RBFOX1: variants seen among roughly 807,000 people sequenced by gnomAD.
RBFOX1 encodes the protein RNA binding fox-1 homolog 1, also known as RNA binding protein fox-1 homolog 1.
Under a neutral mutation model 57.7 loss-of-function variants are expected in RBFOX1, and 8 were observed. The ratio of observed to expected loss-of-function variants is 0.14; its 90% CI spans 0.08 to 0.25. The LOEUF is 0.25. Ranked by LOEUF, RBFOX1 falls within the 10% of genes least tolerant of loss-of-function variation. The pLI, the probability that RBFOX1 is intolerant of heterozygous loss-of-function variation, is 1.00. For synonymous variants in RBFOX1, 326 were observed against 222.4 expected, an observed-to-expected ratio of 1.47 and a Z score of -4.15; for missense variants, 611 against 548.5, an observed-to-expected ratio of 1.11 and a Z score of -1.14.
At chr16:5,783,699 T>C (rs2054400788) in intron 3 of RBFOX1, among the ~76,000 whole-genome samples, 1 of 152,236 alleles carries the variant, frequency 6.6e-6, no homozygotes, top group African/African-American at 2.4e-5. Flanking sequence ...CTTTAATGAT[T>C]GTTTAATGGT....
intron 4 of RBFOX1, among the ~76,000 whole-genome samples, chr16:7,447,238 C>T (rs1393996405): frequency 4.0e-5 from 6 of 151,708 alleles, no homozygotes; most frequent in African/African-American, 1.2e-4. Flanking sequence ...TCGAGACCAG[C>T]CTGGCCAACA....
intron 3 of RBFOX1, among the ~76,000 whole-genome samples, chr16:5,825,642 G>A (rs963368419): frequency 1.3e-5 from 2 of 152,140 alleles, no homozygotes; most frequent in East Asian, 1.9e-4. Context: ...TGACAGCGTT[G>A]TACAGCCATC....
chr16:5,936,410 C>T (rs531212586), intron 4 of RBFOX1, among the ~76,000 whole-genome samples: 2 of 152,262 alleles, frequency 1.3e-5, no homozygotes, highest in South Asian at 2.1e-4. Flanking sequence ...AAGTATGAGC[C>T]ACTGCACCTG....
At chr16:7,532,829 G>C (rs1348440123) in intron 5 of RBFOX1, among the ~76,000 whole-genome samples, 1 of 152,198 alleles carries the variant, frequency 6.6e-6, no homozygotes, top group Non-Finnish European at 1.5e-5. Context: ...GGCCCACAGA[G>C]CCAAAATTAT....
intron 4 of RBFOX1, among the ~76,000 whole-genome samples, chr16:7,170,405 G>A (rs530746195): frequency 6.6e-6 from 1 of 152,206 alleles, no homozygotes; most frequent in Admixed American, 6.5e-5. Context: ...CTGAGTAGCT[G>A]AGACTACAGG....
chr16:6,714,134 C>G (rs1269888036), intron 3 of RBFOX1, among the ~76,000 whole-genome samples: 1 of 152,108 alleles, frequency 6.6e-6, no homozygotes, highest in African/African-American at 2.4e-5. Flanking sequence ...GGTAGTTTTT[C>G]CTGCACTCTC....
intron 4 of RBFOX1, among the ~76,000 whole-genome samples, chr16:7,201,518 A>G (rs530061554): frequency 6.6e-5 from 10 of 151,332 alleles, no homozygotes; most frequent in South Asian, 2.1e-4. Context: ...CTGGAGTGCA[A>G]TGGCACAATC....
intron 1 of RBFOX1, among the ~76,000 whole-genome samples, chr16:5,382,327 T>C (rs1051641926): frequency 1.3e-5 from 2 of 152,220 alleles, no homozygotes; most frequent in Non-Finnish European, 2.9e-5. Context: ...TTGAAAACTA[T>C]TCGGGCTGAT....
intron 3 of RBFOX1, among the ~76,000 whole-genome samples, chr16:5,830,137 C>T (rs2056213009): frequency 1.3e-5 from 2 of 152,180 alleles, no homozygotes; most frequent in African/African-American, 4.8e-5. Context: ...TGCAAATCGT[C>T]CTGGATACAT....
At chr16:6,087,380 A>G (rs1238451668) in intron 1 of RBFOX1, among the ~76,000 whole-genome samples, 1 of 152,272 alleles carries the variant, frequency 6.6e-6, no homozygotes, top group African/African-American at 2.4e-5. Context: ...ATGTATATGT[A>G]TCTACAGAAA....
At chr16:6,256,233 G>GTATATATA (rs1325348390) in intron 1 of RBFOX1, among the ~76,000 whole-genome samples, 3 of 42,128 alleles carry the variant, frequency 7.1e-5, no homozygotes, top group African/African-American at 2.3e-4. Flanking sequence ...ATATATATAT[G>GTATATATA]TGTATATATA....
intron 3 of RBFOX1, among the ~76,000 whole-genome samples, chr16:6,748,072 T>A (rs1284467849): frequency 6.6e-6 from 1 of 152,180 alleles, no homozygotes; most frequent in Non-Finnish European, 1.5e-5. Context: ...TCCTGATACT[T>A]TTTTTGTGTT....
chr16:6,032,510 A>T (rs910861715), intron 1 of RBFOX1, among the ~76,000 whole-genome samples: 13 of 152,252 alleles, frequency 8.5e-5, no homozygotes, highest in Non-Finnish European at 1.6e-4. Context: ...GTCTTTACGT[A>T]ATTTGGTGGA....
chr16:6,493,939 G>A (rs1026228009), intron 2 of RBFOX1, among the ~76,000 whole-genome samples: 4 of 152,120 alleles, frequency 2.6e-5, no homozygotes, highest in South Asian at 2.1e-4. Context: ...TAGCATCAGC[G>A]TGATTTTTAA....
intron 1 of RBFOX1, among the ~76,000 whole-genome samples, chr16:6,246,277 C>G (rs560529998): frequency 1.3e-5 from 2 of 152,276 alleles, no homozygotes; most frequent in Admixed American, 6.5e-5. Flanking sequence ...TTGCCAATAT[C>G]TACTTGTTTC....
At chr16:5,434,808 A>T (rs746649063) in intron 1 of RBFOX1, among the ~76,000 whole-genome samples, 36 of 152,084 alleles carry the variant, frequency 2.4e-4, no homozygotes, top group African/African-American at 8.5e-4. Flanking sequence ...AATATCATTT[A>T]TTCTCTTGGT....
chr16:6,825,192 G>T (rs533455683), intron 3 of RBFOX1, among the ~76,000 whole-genome samples: 1 of 149,496 alleles, frequency 6.7e-6, no homozygotes, highest in Non-Finnish European at 1.5e-5. Flanking sequence ...TCTTGTGGGG[G>T]GGCTGACGTG....
intron 1 of RBFOX1, among the ~76,000 whole-genome samples, chr16:5,358,135 C>T (rs1375407211): frequency 3.3e-5 from 5 of 152,020 alleles, no homozygotes; most frequent in Non-Finnish European, 5.9e-5. Context: ...TCTCCTTGCT[C>T]CTGGTGGTTT....
chr16:7,577,490 C>T (rs2093429323), intron 5 of RBFOX1, among the ~76,000 whole-genome samples: 2 of 152,240 alleles, frequency 1.3e-5, no homozygotes, highest in Non-Finnish European at 1.5e-5. Context: ...TTCTCTTAGA[C>T]ATCTCCCACT....
Sources: allele counts gnomAD v4.1 joint callset (sites outside exome capture counted in the v4.1 genomes callset), GRCh38; gene constraint gnomAD v4.1.1; transcripts MANE v1.5; gene names NCBI Gene and HGNC (gene_info 2026-07-23, HGNC 2026-07-21).